The following FAM107B variants were observed in gnomAD, a reference collection of about 807,000 sequenced individuals.
FAM107B encodes protein FAM107B.
A neutral mutation model predicts 31.5 loss-of-function variants in FAM107B; 21 were observed. The ratio of observed to expected loss-of-function variants is 0.67; its 90% CI spans 0.47 to 0.96. The LOEUF (loss-of-function observed/expected upper bound fraction) is 0.96, where lower values mean the gene tolerates loss of function less well. Among genes scored for constraint, FAM107B ranks in the 40% least tolerant of loss-of-function variants. The pLI is 0.00. For synonymous variants in FAM107B, 157 were observed against 141.5 expected, an observed-to-expected ratio of 1.11 and a Z score of -0.78; for missense variants, 452 against 377.1, an observed-to-expected ratio of 1.20 and a Z score of -1.64.
At chr10:14,622,750 T>G (rs1397866993) in intron 2 of FAM107B, among the ~76,000 whole-genome samples, 3 of 152,232 alleles carry the variant, frequency 2.0e-5, no homozygotes, top group African/African-American at 7.2e-5. Flanking sequence ...AGAAACATAA[T>G]GTATGCCCTA....
chr10:14,530,602 T>A, intron 2 of FAM107B, 87 bp from the exon 3 acceptor site: 1 of 1,267,234 alleles, frequency 7.9e-7, no homozygotes, highest in Non-Finnish European at 1.1e-6. Context: ...CTGTGCTCAG[T>A]ATGCTAACAC....
intron 2 of FAM107B, chr10:14,553,185 G>C (rs1477845963): frequency 3.7e-6 from 1 of 267,584 alleles, no homozygotes; most frequent in African/African-American, 2.3e-5. Context: ...CTTTTTACCT[G>C]TGTGTGAATG....
At chr10:14,757,396 T>C (rs1248761325) in intron 1 of FAM107B, among the ~76,000 whole-genome samples, 1 of 152,096 alleles carries the variant, frequency 6.6e-6, no homozygotes, top group Non-Finnish European at 1.5e-5. Context: ...AATGTTGGAC[T>C]TGCCGGCCCC....
At chr10:14,652,710 A>G (rs556531331) in intron 2 of FAM107B, 1 of 152,362 alleles carries the variant, frequency 6.6e-6, no homozygotes, top group Admixed American at 6.5e-5. Flanking sequence ...TAGCGTGGAT[A>G]CCAGACGTTT....
At chr10:14,593,947 CAT>C (rs1451802517) in intron 2 of FAM107B, among the ~76,000 whole-genome samples, 1 of 152,104 alleles carries the variant, frequency 6.6e-6, no homozygotes, top group African/African-American at 2.4e-5. Context: ...ATTAGATAAA[CAT>C]GTTGAAAAAT....
At chr10:14,723,526 A>T in intron 1 of FAM107B, 2 of 628,358 alleles carry the variant, frequency 3.2e-6, no homozygotes, top group Non-Finnish European at 5.9e-6. Flanking sequence ...CCAGGCCAGC[A>T]TACACCACAT....
chr10:14,689,158 C>A, intron 1 of FAM107B, among the ~76,000 whole-genome samples: 1 of 152,072 alleles, frequency 6.6e-6, no homozygotes, highest in East Asian at 1.9e-4. Context: ...GGTGGACAGA[C>A]TGCTTGAGCT....
At chr10:14,683,135 G>A (rs4750550) in intron 1 of FAM107B, among the ~76,000 whole-genome samples, 82,937 of 151,980 alleles carry the variant, frequency 0.55, 23,670 homozygotes, top group South Asian at 0.67. Context: ...CGCCTGGCTC[G>A]GAGCACCTGT....
intron 2 of FAM107B, among the ~76,000 whole-genome samples, chr10:14,537,630 G>A (rs368023561): frequency 3.2e-4 from 48 of 152,198 alleles, no homozygotes; most frequent in Admixed American, 7.8e-4. Flanking sequence ...ATGAGGTCCA[G>A]AGATCGAGAC....
chr10:14,686,056 T>C (rs1854978600), intron 1 of FAM107B, among the ~76,000 whole-genome samples: 1 of 152,176 alleles, frequency 6.6e-6, no homozygotes, highest in Admixed American at 6.6e-5. Context: ...TATCTCCACC[T>C]AGCTCTGCCC....
At chr10:14,652,697 G>C (rs1196495992) in intron 2 of FAM107B, 1 of 152,212 alleles carries the variant, frequency 6.6e-6, no homozygotes, top group Non-Finnish European at 1.5e-5. Context: ...ATAGTATCAA[G>C]GGTAGCGTGG....
intron 1 of FAM107B, among the ~76,000 whole-genome samples, chr10:14,721,473 G>C (rs1203817497): frequency 1.3e-5 from 2 of 152,336 alleles, no homozygotes; most frequent in Admixed American, 6.5e-5. Context: ...CTGTGTAAAA[G>C]TGTTCCTATT....
intron 1 of FAM107B, among the ~76,000 whole-genome samples, chr10:14,770,983 A>G (rs1421304789): frequency 8.1e-6 from 1 of 123,562 alleles, no homozygotes; most frequent in Non-Finnish European, 1.5e-5. Context: ...ACTAAAAAAA[A>G]AAAAAAAAAA....
rs775920267 is a variant in FAM107B at position 14,530,515 on chromosome 10, T to C, written c.470A>G (p.Asp157Gly). ...ATGGTCAATATCCTCAGGTGGGCTGTCTGAAAGAGAAAGATGAGAAACACT... is the reference window on the plus strand; with the variant it reads ...ATGGTCAATATCCTCAGGTGGGCTGCCTGAAAGAGAAAGATGAGAAACACT... The part of the protein sequence containing the change: ...CLELEQKMTS[D>G]SPPEDIDHKD... Residue 157 changes from aspartate (D) to glycine (G), a missense_variant and splice_region_variant, in exon 3 of 5, where the codon GAC (aspartate) becomes GGC (glycine). Asp to Gly is a moderately conservative substitution (Grantham distance 94). Transcript: ENST00000181796. 6.2e-7 allele frequency: 1 copy of C among 1,610,548 alleles called. No homozygotes were observed. The highest frequency in any genetic ancestry group is 8.5e-7 in the Non-Finnish European group (1 of 1,179,300).
intron 2 of FAM107B, among the ~76,000 whole-genome samples, chr10:14,545,733 A>G (rs1848634603): frequency 6.6e-6 from 1 of 152,218 alleles, no homozygotes; most frequent in African/African-American, 2.4e-5. Context: ...CCTTATTTAT[A>G]TTATGTTATA....
intron 1 of FAM107B, among the ~76,000 whole-genome samples, chr10:14,707,265 G>A (rs1054674517): frequency 6.6e-6 from 1 of 152,178 alleles, no homozygotes; most frequent in Admixed American, 6.5e-5. Flanking sequence ...ATTTTAAGTG[G>A]TCTAGCTCTG....
rs1448284132 is a variant in FAM107B at position 14,521,089 on chromosome 10, T to C, written c.*101A>G. 11 of 922,096 alleles carry C rather than the reference T, an allele frequency of 1.2e-5. No homozygotes were observed. Among genetic ancestry groups the C allele is most frequent in the African/African-American group, 1.7e-5 (1 of 59,098 alleles). 57.1% of individuals were successfully genotyped at this position (922,096 alleles called of 1,614,324 possible). ...AATCCTACTGCAAGTCAAAATTCTC[T>C]GCTGGCTGAAATATTCTCCAGGGGC... On this transcript the variant is annotated 3_prime_UTR_variant, in exon 5 of 5. Transcript: ENST00000181796.
intron 1 of FAM107B, among the ~76,000 whole-genome samples, chr10:14,685,142 ATTTTTTTTTT>A (rs59475861): frequency 8.2e-5 from 3 of 36,778 alleles, no homozygotes; most frequent in African/African-American, 1.3e-4. Flanking sequence ...ACATCCTTTT[ATTTTTTTTTT>A]TTTTTTTTTT....
intron 2 of FAM107B, among the ~76,000 whole-genome samples, chr10:14,581,161 C>T (rs563322224): frequency 1.6e-4 from 24 of 152,228 alleles, no homozygotes; most frequent in African/African-American, 4.1e-4. Flanking sequence ...GTGCAGTGCT[C>T]GGAAGAAAAA....
Sources: allele counts gnomAD v4.1 joint callset (sites outside exome capture counted in the v4.1 genomes callset), GRCh38; gene constraint gnomAD v4.1.1; transcripts MANE v1.5; gene names NCBI Gene and HGNC (gene_info 2026-07-23, HGNC 2026-07-21).